GLDC: variants seen among roughly 807,000 people sequenced by gnomAD.
GLDC encodes glycine decarboxylase, also known as glycine dehydrogenase (decarboxylating), mitochondrial.
A neutral mutation model predicts 121.3 loss-of-function variants in GLDC; 104 were observed. The observed-to-expected ratio is 0.86, with a 90% CI of 0.73 to 1.01. The LOEUF (loss-of-function observed/expected upper bound fraction) is 1.01. Among genes scored for constraint, GLDC ranks in the 50% least tolerant of loss-of-function variants. The pLI, the probability that GLDC is intolerant of heterozygous loss-of-function variation, is 0.00. For missense variants in GLDC, 1,429 were observed against 1,306.6 expected (o/e 1.09, Z -1.44); for synonymous variants, 546 against 480.6 (o/e 1.14, Z -1.78).
At chr9:6,605,591 A>G (rs754552169) in intron 5 of GLDC, among the ~76,000 whole-genome samples, 10 of 152,190 alleles carry the variant, frequency 6.6e-5, no homozygotes, top group Non-Finnish European at 1.3e-4. Flanking sequence ...TTTGTTAACA[A>G]CAGAGCCATC....
chr9:6,613,468 A>G (rs186621008), intron 3 of GLDC, among the ~76,000 whole-genome samples: 44 of 152,330 alleles, frequency 2.9e-4, no homozygotes, highest in African/African-American at 9.9e-4. Flanking sequence ...TCTACTAAAA[A>G]TAAAAGAAGT....
intron 8 of GLDC, among the ~76,000 whole-genome samples, chr9:6,596,363 G>A (rs1351458343): frequency 1.3e-5 from 2 of 151,988 alleles, no homozygotes; most frequent in Non-Finnish European, 2.9e-5. Context: ...ACTTCAAAGG[G>A]CACTAGAATA....
In GLDC at chr9:6,634,701, G is replaced by T. The variant is rs146326029; in HGVS notation, c.334+9913C>A. ...GCTGTAGCTCCAGGACTCCATGTGG[G>T]CCTGATGGAAACTCTCTTAGATCTG... On this transcript the variant is annotated intron_variant, in intron 2 of 24. Transcript: ENST00000321612. 1.1e-4 allele frequency among the ~76,000 whole-genome samples: 16 copies of T among 152,226 alleles called. No individual in the cohort carries two copies. The East Asian group carries it at 3.1e-3, about 29-fold the overall frequency.
intron 2 of GLDC, among the ~76,000 whole-genome samples, chr9:6,622,188 A>ACACT (rs931473105): frequency 1.3e-5 from 2 of 149,342 alleles, no homozygotes; most frequent in African/African-American, 5.1e-5. Flanking sequence ...ACACACACAC[A>ACACT]CACTCCGCAC....
At chr9:6,560,035 G>A (rs1817718867) in intron 16 of GLDC, among the ~76,000 whole-genome samples, 1 of 152,178 alleles carries the variant, frequency 6.6e-6, no homozygotes, top group South Asian at 2.1e-4. Flanking sequence ...TTTTATGGAA[G>A]CTGGACAGTA....
In GLDC at chr9:6,558,399, G is replaced by C. The variant is rs1463411337; in HGVS notation, c.2052+160C>G. The C allele has an allele frequency of 1.6e-5, 13 of 807,418 alleles. No individual in the cohort carries two copies. The South Asian group carries it at 1.7e-4, about 11-fold the overall frequency. The allele number at this position is 807,418 out of a possible 1,614,324, so 50.0% of individuals were successfully genotyped here. On this transcript the variant is annotated intron_variant, in intron 17 of 24. Transcript: ENST00000321612. Reference sequence around the variant, plus strand: ...AATTAGAAAACGGGGATTTCTCCCTGTTGGTGATGGGAGGGGTAGAGTAGA... The same window carrying C: ...AATTAGAAAACGGGGATTTCTCCCTCTTGGTGATGGGAGGGGTAGAGTAGA...
At chr9:6,607,354 G>A (rs1407213284) in intron 4 of GLDC, among the ~76,000 whole-genome samples, 1 of 152,156 alleles carries the variant, frequency 6.6e-6, no homozygotes, top group Non-Finnish European at 1.5e-5. Flanking sequence ...AGGCCGAGGT[G>A]CGTGGATCAC....
At chr9:6,625,539 C>G (rs190525486) in intron 2 of GLDC, among the ~76,000 whole-genome samples, 2 of 152,320 alleles carry the variant, frequency 1.3e-5, no homozygotes, top group East Asian at 1.9e-4. Flanking sequence ...TCTCCTTCCT[C>G]ATACCCAGCC....
chr9:6,603,584 T>C (rs1818664494), intron 7 of GLDC, among the ~76,000 whole-genome samples: 1 of 152,038 alleles, frequency 6.6e-6, no homozygotes, highest in African/African-American at 2.4e-5. Context: ...CACTTCACAT[T>C]ATCATCACAT....
intron 3 of GLDC, among the ~76,000 whole-genome samples, chr9:6,612,912 A>G (rs574055558): frequency 6.6e-6 from 1 of 152,230 alleles, no homozygotes; most frequent in East Asian, 1.9e-4. Context: ...GGCTGCAATG[A>G]GCCATGATCA....
intron 21 of GLDC, among the ~76,000 whole-genome samples, chr9:6,548,004 G>A (rs925584427): frequency 2.0e-5 from 3 of 151,888 alleles, no homozygotes; most frequent in African/African-American, 2.4e-5. Flanking sequence ...CAGGTGTGGC[G>A]GGTGTATGCC....
At chr9:6,556,478 T>G (rs1817633609) in intron 17 of GLDC, among the ~76,000 whole-genome samples, 176 bp from the exon 18 acceptor site, 1 of 152,144 alleles carries the variant, frequency 6.6e-6, no homozygotes, top group Admixed American at 6.5e-5. Flanking sequence ...ATTACTCCCT[T>G]CACAAATCAT....
At position 6,602,150 on chromosome 9, in the gene GLDC, T is replaced by C. The variant is rs755156031; in HGVS notation, c.1114A>G (p.Ile372Val). The change falls in exon 8 of 25, where the codon ATT (isoleucine) becomes GTT (valine). Residue 372 changes from isoleucine to valine, a missense_variant. Ile to Val is a conservative substitution (Grantham distance 29). Transcript: ENST00000321612. ...RLALQTREQHIRRDKATSNIC... is the reference protein window; with the variant it reads ...RLALQTREQHVRRDKATSNIC... ...TTGCTGGTAGCCTTGTCTCTCCGAA[T>C]GTGTTGCTCCCTGGTTTGAAGAGCA... 18 of 1,613,572 alleles carry C rather than the reference T, an allele frequency of 1.1e-5. No homozygotes were observed. Among genetic ancestry groups the C allele is most frequent in the Non-Finnish European group, 1.4e-5 (17 of 1,179,604 alleles).
At chr9:6,638,530 T>C (rs1819557927) in intron 2 of GLDC, among the ~76,000 whole-genome samples, 1 of 152,154 alleles carries the variant, frequency 6.6e-6, no homozygotes, top group African/African-American at 2.4e-5. Flanking sequence ...TTTGCTTCTT[T>C]ACATTGAGAA....
chr9:6,603,297 A>C (rs1280806448), intron 7 of GLDC, among the ~76,000 whole-genome samples: 2 of 151,974 alleles, frequency 1.3e-5, no homozygotes, highest in African/African-American at 4.8e-5. Flanking sequence ...CCATTGCATA[A>C]CATTAGGTGT....
At chr9:6,577,435 G>A (rs760825088) in intron 15 of GLDC, among the ~76,000 whole-genome samples, 1 of 152,194 alleles carries the variant, frequency 6.6e-6, no homozygotes. Flanking sequence ...ATCAGCTGAT[G>A]GAGGAACCCT....
Position 6,610,273 on chromosome 9 carries a change from T to C in GLDC, c.554A>G (p.Asp185Gly), listed in dbSNP as rs1272627675. ...ATTGGCCATGTCCAGGCCTGTGATG[T>C]CACACACCATGGTCTGGTAGTTGAG... ...SLLNYQTMVC[D>G]ITGLDMANAS... The change falls in exon 4 of 25, where the codon GAC (aspartate) becomes GGC (glycine). Residue 185 changes from aspartate (D) to glycine (G), a missense_variant. Coordinates refer to ENST00000321612, the MANE Select transcript of GLDC (RefSeq NM_000170.3). 1 of 1,613,952 alleles carries C rather than the reference T, an allele frequency of 6.2e-7. No individual in the cohort carries two copies. Among genetic ancestry groups the C allele is most frequent in the East Asian group, 2.2e-5 (1 of 44,880 alleles).
At chr9:6,584,217 T>C (rs1328561244) in intron 15 of GLDC, among the ~76,000 whole-genome samples, 1 of 152,226 alleles carries the variant, frequency 6.6e-6, no homozygotes, top group Non-Finnish European at 1.5e-5. Context: ...CTCTAATTAG[T>C]CAGGTATAAA....
chr9:6,605,097 C>T, intron 6 of GLDC, 34 bp downstream of exon 6: 1 of 1,598,612 alleles, frequency 6.3e-7, no homozygotes, highest in South Asian at 1.1e-5. Context: ...TGGGATACGC[C>T]TCCACGGACC....
Sources: gnomAD v4.1 joint callset for allele counts (sites outside exome capture counted in the v4.1 genomes callset) on GRCh38, gnomAD v4.1.1 for gene constraint, MANE v1.5 for transcripts, NCBI Gene and HGNC (gene_info 2026-07-23, HGNC 2026-07-21) for gene names.